The following EBF3 variants were observed in gnomAD, a reference collection of about 807,000 sequenced individuals.
The protein encoded by EBF3 is EBF transcription factor 3, also known as transcription factor COE3.
Under a neutral mutation model 77.1 loss-of-function variants are expected in EBF3, and 18 were observed. That is an observed-to-expected ratio of 0.23 (90% CI 0.16 to 0.35). The LOEUF (loss-of-function observed/expected upper bound fraction) is 0.35, where lower values mean the gene tolerates loss of function less well. EBF3 is among the 10% of genes least tolerant of loss of function. EBF3 has a pLI of 1.00. For missense variants in EBF3, 558 were observed against 860.0 expected, an observed-to-expected ratio of 0.65 and a Z score of 4.39; for synonymous variants, 350 against 343.5, an observed-to-expected ratio of 1.02 and a Z score of -0.21.
intron 6 of EBF3, among the ~76,000 whole-genome samples, chr10:129,927,121 C>T (rs534761427): frequency 7.5e-4 from 114 of 152,276 alleles, no homozygotes; most frequent in African/African-American, 2.6e-3. Flanking sequence ...CATTCAGTTG[C>T]TTATTGCCTG....
chr10:129,962,284 G>A (rs1859585418), intron 3 of EBF3, 58 bp from the exon 4 acceptor site: 8 of 1,530,396 alleles, frequency 5.2e-6, no homozygotes, highest in African/African-American at 1.4e-5. Context: ...CTCGGGGAGG[G>A]CACACGGAGC....
chr10:129,885,895 G>A lies in EBF3; in HGVS notation c.555-8046C>T, dbSNP rs887898585. On this transcript the variant is annotated intron_variant, in intron 6 of 16. Transcript: ENST00000440978. This position sits in a 1 kb window ranked among gnomAD's most constrained non-coding sequence, Gnocchi z 4.0. ...TGCTTATCCCAACTTAGGGTTTCAA[G>A]CCTCTCCCACCATACGCGTGTGTGT... is the stretch of plus-strand genomic sequence containing the variant. 6.6e-6 allele frequency among the ~76,000 whole-genome samples: 1 copy of A among 152,186 alleles called. No individual in the cohort carries two copies. Among genetic ancestry groups the A allele is most frequent in the Non-Finnish European group, 1.5e-5 (1 of 68,038 alleles).
intron 6 of EBF3, among the ~76,000 whole-genome samples, chr10:129,892,918 G>C (rs1589802905): frequency 6.6e-6 from 1 of 152,216 alleles, no homozygotes; most frequent in Non-Finnish European, 1.5e-5. Context: ...GGAGGGCGCC[G>C]GCAGCCAGCC....
Position 129,938,282 on chromosome 10 carries a change from A to G in EBF3, c.554+18976T>C, listed in dbSNP as rs1857496611. ...GGGCCGGGTGCAATGGCTCTCATCT[A>G]TAGTCCCAGCACTTTGGAAGGCCAA... On this transcript the variant is annotated intron_variant, in intron 6 of 16. Transcript: ENST00000440978. The surrounding 1 kb of genome is among the most constrained non-coding windows in gnomAD (Gnocchi z 5.1). 6.6e-6 allele frequency among the ~76,000 whole-genome samples: 1 copy of G among 151,464 alleles called. No homozygotes were observed. The highest frequency in any genetic ancestry group is 1.5e-5 in the Non-Finnish European group (1 of 67,952).
In EBF3 at chr10:129,885,196, T is replaced by C. The variant is rs933004352; in HGVS notation, c.555-7347A>G. 6.6e-6 allele frequency among the ~76,000 whole-genome samples: 1 copy of C among 152,202 alleles called. No homozygotes were observed. Among genetic ancestry groups the C allele is most frequent in the Admixed American group, 6.5e-5 (1 of 15,282 alleles). On this transcript the variant is annotated intron_variant, in intron 6 of 16. Transcript: ENST00000440978. The surrounding 1 kb of genome is among the most constrained non-coding windows in gnomAD (Gnocchi z 4.0). ...ACTTTTGCAATGATTCTCATTAAAA[T>C]GATGCCAAAGAGATCTGATGGGATT...
intron 6 of EBF3, among the ~76,000 whole-genome samples, chr10:129,925,113 C>T (rs1387975765): frequency 2.0e-5 from 3 of 151,458 alleles, no homozygotes; most frequent in Non-Finnish European, 2.9e-5. Context: ...TGCGTGTGTA[C>T]GGTTGGTGCA....
At chr10:129,934,604 C>T (rs944224048) in intron 6 of EBF3, among the ~76,000 whole-genome samples, 1 of 152,096 alleles carries the variant, frequency 6.6e-6, no homozygotes, top group East Asian at 1.9e-4. Flanking sequence ...GCATGCTTAG[C>T]GGTGGGGCTG....
At chr10:129,892,254 G>A (rs1229833613) in intron 6 of EBF3, among the ~76,000 whole-genome samples, 2 of 152,226 alleles carry the variant, frequency 1.3e-5, no homozygotes, top group Non-Finnish European at 2.9e-5. Context: ...GGCGGTGCTG[G>A]GGTGCCCCCA....
chr10:129,928,109 C>T (rs924035280), intron 6 of EBF3, among the ~76,000 whole-genome samples: 6 of 152,102 alleles, frequency 3.9e-5, no homozygotes, highest in Non-Finnish European at 8.8e-5. Flanking sequence ...GACGTCCAGC[C>T]GAGTAAAGAA....
At chr10:129,960,558 C>T (rs1859425884) in intron 4 of EBF3, among the ~76,000 whole-genome samples, 1 of 151,080 alleles carries the variant, frequency 6.6e-6, no homozygotes. Flanking sequence ...TTTTGTAGCA[C>T]AAACAGAAAT....
chr10:129,917,886 G>T (rs1466044302), intron 6 of EBF3, among the ~76,000 whole-genome samples: 1 of 152,172 alleles, frequency 6.6e-6, no homozygotes, highest in Non-Finnish European at 1.5e-5. Context: ...AACAGTAGCA[G>T]ATAAGGTGTA....
intron 6 of EBF3, among the ~76,000 whole-genome samples, chr10:129,893,314 C>T (rs1252946411): frequency 6.6e-6 from 1 of 152,064 alleles, no homozygotes; most frequent in Admixed American, 6.6e-5. Flanking sequence ...TCACCTGCTC[C>T]GACAACAGCA....
chr10:129,837,955 A>G lies in EBF3; in HGVS notation c.1878T>C (p.Cys626=), dbSNP rs2133928138. 3 of 1,614,094 alleles carry G rather than the reference A, an allele frequency of 1.9e-6. No homozygotes were observed. The highest frequency in any genetic ancestry group is 1.1e-5 in the South Asian group (1 of 91,082). Residue 626 remains cysteine (C), a synonymous_variant, in exon 17 of 17, where the codon TGT becomes TGC. Coordinates refer to ENST00000440978, the MANE Select transcript of EBF3 (RefSeq NM_001375380.1). ...LMLKKGTGKL[C]LGW is the part of the protein sequence containing the mutation. ...CACATTGGCGGGACTACCAGCCCAG[A>G]CATAGCTGCAAGACAGAAGGACAGA...
intron 6 of EBF3, among the ~76,000 whole-genome samples, chr10:129,902,347 C>T (rs571723245): frequency 1.7e-4 from 26 of 151,622 alleles, no homozygotes; most frequent in African/African-American, 5.8e-4. Context: ...AACACTTTAA[C>T]GAGAGTTGTG....
intron 6 of EBF3, among the ~76,000 whole-genome samples, chr10:129,946,245 G>T (rs1262018707): frequency 6.6e-6 from 1 of 152,168 alleles, no homozygotes; most frequent in Non-Finnish European, 1.5e-5. Context: ...CCCAGCACAC[G>T]CAATAAATTA....
At chr10:129,880,336 CACACACATGCCCACAG>C (rs535398862) in intron 6 of EBF3, among the ~76,000 whole-genome samples, 6,141 of 152,066 alleles carry the variant, frequency 0.04, 183 homozygotes, top group Non-Finnish European at 0.065. Flanking sequence ...CACATACATA[CACACACATGCCCACAG>C]ACACACATGC....
chr10:129,904,808 AAT>A (rs1855027055), intron 6 of EBF3, among the ~76,000 whole-genome samples: 1 of 152,250 alleles, frequency 6.6e-6, no homozygotes, highest in Admixed American at 6.5e-5. Context: ...ATTTTGAATA[AAT>A]ATTTCTTGAA....
rs952573773 is a variant in EBF3 at position 129,840,435 on chromosome 10, C to T, written c.1569G>A (p.Pro523=). 17 of 1,550,928 alleles carry T rather than the reference C, an allele frequency of 1.1e-5. No homozygotes were observed. The highest frequency in any genetic ancestry group is 5.9e-5 in the Admixed American group (3 of 50,986). ...SSANSPYGIV[P]SSPTMAASSV... is the part of the protein sequence containing the mutation. ...AAGAGGCTGCCATGGTGGGGCTGGA[C>T]GGCACTACTGCAACAAAGCAAACAC... Residue 523 remains proline, a synonymous_variant, in exon 15 of 17, where the codon CCG becomes CCA. Coordinates refer to ENST00000440978, the MANE Select transcript of EBF3 (RefSeq NM_001375380.1).
Position 129,943,180 on chromosome 10 carries a change from A to C in EBF3, c.554+14078T>G, listed in dbSNP as rs1857906703. Among the ~76,000 whole-genome samples the C allele has an allele frequency of 6.6e-6, 1 of 152,218 alleles. No individual in the cohort carries two copies. Among genetic ancestry groups the C allele is most frequent in the East Asian group, 1.9e-4 (1 of 5,200 alleles). ...CGCCAGAGCCAGAGAGCTGCCAGGC[A>C]GCTCTTCATTGGGGCCAGGCCTGAC... On this transcript the variant is annotated intron_variant, in intron 6 of 16. Coordinates refer to ENST00000440978, the MANE Select transcript of EBF3 (RefSeq NM_001375380.1). The surrounding 1 kb of genome is among the most constrained non-coding windows in gnomAD (Gnocchi z 8.8).
Sources: gnomAD v4.1 joint callset for allele counts (sites outside exome capture counted in the v4.1 genomes callset) on GRCh38, gnomAD v4.1.1 for gene constraint, Gnocchi (gnomAD v3.1) non-coding constraint, MANE v1.5 for transcripts, NCBI Gene and HGNC (gene_info 2026-07-23, HGNC 2026-07-21) for gene names.